Variants in CSMD3 observed in about 807,000 individuals in gnomAD.
The protein encoded by CSMD3 is CUB and Sushi multiple domains 3, also known as CUB and sushi domain-containing protein 3.
A neutral mutation model predicts 435.2 loss-of-function variants in CSMD3; 177 were observed. That is an observed-to-expected ratio of 0.41 (90% confidence interval 0.36 to 0.46). The LOEUF (loss-of-function observed/expected upper bound fraction) is 0.46, where lower values mean the gene tolerates loss of function less well. Ranked by LOEUF, CSMD3 falls within the 20% of genes least tolerant of loss-of-function variation. The pLI is 0.34. For synonymous variants in CSMD3, 1,656 were observed against 1,520.5 expected (o/e 1.09, Z -2.07); for missense variants, 4,265 against 4,504.6 (o/e 0.95, Z 1.52).
At chr8:112,785,438 G>A (rs533224620) in intron 13 of CSMD3, among the ~76,000 whole-genome samples, 130 of 151,958 alleles carry the variant, frequency 8.6e-4, no homozygotes, top group Middle Eastern at 3.4e-3. Flanking sequence ...AGAAATAAAG[G>A]GCATCCAAGT....
chr8:112,889,559 T>C (rs2081719386), intron 10 of CSMD3, among the ~76,000 whole-genome samples: 1 of 151,644 alleles, frequency 6.6e-6, no homozygotes, highest in East Asian at 2.0e-4. Flanking sequence ...GTGTCTTTTG[T>C]CTTCTTGCAA....
Position 113,098,803 on chromosome 8 carries a change from C to A in CSMD3, c.870G>T (p.Glu290Asp). Residue 290 changes from glutamate (E) to aspartate (D), a missense_variant, in exon 5 of 71, where the codon GAG (glutamate) becomes GAT (aspartate). Transcript: ENST00000297405. ...CTTCTATTTCTAAGTAATCATATTTCTCTTCCATTTGAAAATCAGTAAATA... is the reference window on the plus strand; with the variant it reads ...CTTCTATTTCTAAGTAATCATATTTATCTTCCATTTGAAAATCAGTAAATA... ...SLIFTDFQME[E>D]KYDYLEIEGS... The A allele has an allele frequency of 6.2e-7, 1 of 1,612,646 alleles. No individual in the cohort carries two copies. Among genetic ancestry groups the A allele is most frequent in the Non-Finnish European group, 8.5e-7 (1 of 1,178,968 alleles).
At position 112,247,096 on chromosome 8, in the gene CSMD3, T is replaced by C; in HGVS notation, c.10146A>G (p.Gly3382=). The change falls in exon 64 of 71, where the codon GGA becomes GGG. Residue 3382 remains glycine, a synonymous_variant. Transcript: ENST00000297405. ...GTGTTGTAGACCCTTGGAGAAGGTG[T>C]CCTTTTTTGCAATGGAACTGTACAA... ...GSVVQFHCKK[G]HLLQGSTTRT... 3 of 1,613,778 alleles carry C rather than the reference T, an allele frequency of 1.9e-6. No individual in the cohort carries two copies. The highest frequency in any genetic ancestry group is 2.5e-6 in the Non-Finnish European group (3 of 1,179,838).
At chr8:112,447,152 C>A (rs991950018) in intron 32 of CSMD3, among the ~76,000 whole-genome samples, 3 of 151,974 alleles carry the variant, frequency 2.0e-5, no homozygotes, top group Non-Finnish European at 2.9e-5. Context: ...ATAAGTCTAA[C>A]AAGATAAAAA....
At chr8:112,730,249 G>T (rs2077047468) in intron 13 of CSMD3, among the ~76,000 whole-genome samples, 1 of 152,222 alleles carries the variant, frequency 6.6e-6, no homozygotes, top group African/African-American at 2.4e-5. Context: ...ATTTCTCAAA[G>T]AAATTGAGCA....
At chr8:112,544,338 G>A (rs1415439802) in intron 27 of CSMD3, among the ~76,000 whole-genome samples, 2 of 152,058 alleles carry the variant, frequency 1.3e-5, no homozygotes, top group Non-Finnish European at 2.9e-5. Flanking sequence ...TGATGAGGAT[G>A]TATTTAATGC....
At chr8:112,846,499 C>G (rs1768504856) in intron 11 of CSMD3, among the ~76,000 whole-genome samples, 1 of 151,796 alleles carries the variant, frequency 6.6e-6, no homozygotes, top group Non-Finnish European at 1.5e-5. Context: ...AACTCCTGGA[C>G]TCAAGTGATC....
At chr8:113,268,118 T>A (rs1467343226) in intron 3 of CSMD3, among the ~76,000 whole-genome samples, 5 of 151,732 alleles carry the variant, frequency 3.3e-5, no homozygotes, top group Non-Finnish European at 5.9e-5. Context: ...TGACTATGCA[T>A]CTGTCAAAGA....
At chr8:113,005,522 G>A (rs796206552) in intron 6 of CSMD3, among the ~76,000 whole-genome samples, 27 of 151,930 alleles carry the variant, frequency 1.8e-4, no homozygotes, top group African/African-American at 4.1e-4. Context: ...ACTCTCAAAT[G>A]TTTTGTCATC....
In CSMD3 at chr8:113,276,025, G is replaced by C. The variant is rs1021684094; in HGVS notation, c.514+2567C>G. Among the ~76,000 whole-genome samples the C allele has an allele frequency of 3.9e-5, 6 of 152,088 alleles. No individual in the cohort carries two copies. The East Asian group carries it at 1.2e-3, about 29-fold the overall frequency. ...TTTGTAATTCCAAGATAAGATTTCC[G>C]AGCTTCACAATATGCCAGTTGGCCC... On this transcript the variant is annotated intron_variant, in intron 3 of 70. Coordinates refer to ENST00000297405, the MANE Select transcript of CSMD3 (RefSeq NM_198123.2).
intron 3 of CSMD3, among the ~76,000 whole-genome samples, chr8:113,174,625 G>A (rs1358431262): frequency 1.3e-5 from 2 of 151,768 alleles, no homozygotes; most frequent in Admixed American, 6.6e-5. Flanking sequence ...AAACATAAGA[G>A]TTTTTTAAAT....
chr8:112,975,129 G>A (rs1444770994), intron 7 of CSMD3, among the ~76,000 whole-genome samples: 4 of 150,898 alleles, frequency 2.7e-5, no homozygotes, highest in African/African-American at 9.7e-5. Flanking sequence ...TTTGTAAAAG[G>A]TAGGCTTATA....
At chr8:113,011,903 T>C (rs1302488290) in intron 6 of CSMD3, among the ~76,000 whole-genome samples, 1 of 151,822 alleles carries the variant, frequency 6.6e-6, no homozygotes, top group Non-Finnish European at 1.5e-5. Flanking sequence ...AAAAAGAAGA[T>C]GAGTCTCATA....
intron 17 of CSMD3, among the ~76,000 whole-genome samples, chr8:112,664,824 G>C (rs567628629): frequency 2.0e-5 from 3 of 152,106 alleles, no homozygotes; most frequent in Admixed American, 6.6e-5. Flanking sequence ...AGAATAAACT[G>C]TCTTGTGGAC....
chr8:112,587,149 T>G lies in CSMD3; in HGVS notation c.3802A>C (p.Ile1268Leu). The change falls in exon 23 of 71, where the codon ATT (isoleucine) becomes CTT (leucine). Residue 1268 changes from isoleucine to leucine, a missense_variant. Physicochemically the swap from Ile to Leu is conservative, Grantham distance 5 (BLOSUM62 2). Around this residue, in one of 3 missense-constraint regions of CSMD3, gnomAD observed 3,255 missense variants for 3,380.2 expected, o/e 0.96. Transcript: ENST00000297405. ...PLNYENNHEC[I>L]YSIQVQAGKG... ...CCTGCTTGAACCTGAATACTATAAA[T>G]GCATTCATGGTTGTTTTCATAGTTG... 6.2e-7 allele frequency: 1 copy of G among 1,606,758 alleles called. No homozygotes were observed. The highest frequency in any genetic ancestry group is 8.5e-7 in the Non-Finnish European group (1 of 1,173,992).
At chr8:113,195,026 A>G (rs575280770) in intron 3 of CSMD3, among the ~76,000 whole-genome samples, 16 of 151,272 alleles carry the variant, frequency 1.1e-4, no homozygotes, top group African/African-American at 3.6e-4. Flanking sequence ...TAGTCCCCAC[A>G]CTCAATTACA....
chr8:113,215,692 A>G (rs1364618082), intron 3 of CSMD3, among the ~76,000 whole-genome samples: 2 of 151,928 alleles, frequency 1.3e-5, no homozygotes, highest in Non-Finnish European at 2.9e-5. Context: ...CACACATAAA[A>G]CAAAAACATA....
chr8:112,255,751 T>C lies in CSMD3; in HGVS notation c.9863-324A>G, dbSNP rs1390031326. 11 of 329,736 alleles carry C rather than the reference T, an allele frequency of 3.3e-5. No individual in the cohort carries two copies. In the East Asian group the frequency reaches 8.4e-4, roughly 25 times the overall value. The allele number at this position is 329,736 out of a possible 1,614,324, so 20.4% of individuals were successfully genotyped here. Reference sequence around the variant, plus strand: ...TATTTGGACTTGTTGGCTGCCAAGGTGGAGTATAGCCTTGAAAAAGTAGGT... The same window carrying C: ...TATTTGGACTTGTTGGCTGCCAAGGCGGAGTATAGCCTTGAAAAAGTAGGT... On this transcript the variant is annotated intron_variant, in intron 61 of 70. Coordinates refer to ENST00000297405, the MANE Select transcript of CSMD3 (RefSeq NM_198123.2).
intron 5 of CSMD3, among the ~76,000 whole-genome samples, chr8:113,075,132 C>T (rs575198734): frequency 2.6e-4 from 39 of 151,678 alleles, no homozygotes; most frequent in African/African-American, 8.7e-4. Flanking sequence ...AATTGACATA[C>T]CACTTAATGT....
Sources: gnomAD v4.1 joint callset for allele counts (sites outside exome capture counted in the v4.1 genomes callset) on GRCh38, gnomAD v4.1.1 for gene constraint, gnomAD v4.1.1 regional missense constraint, MANE v1.5 for transcripts, NCBI Gene and HGNC (gene_info 2026-07-23, HGNC 2026-07-21) for gene names.